Variants in CFAP20DC observed in about 807,000 individuals in gnomAD.
The protein encoded by CFAP20DC is CFAP20 domain containing.
A neutral mutation model predicts 101.7 loss-of-function variants in CFAP20DC; 84 were observed. The observed-to-expected ratio is 0.83, with a 90% CI of 0.69 to 0.99. The LOEUF is 0.99. Ranked by LOEUF, CFAP20DC falls within the 50% of genes least tolerant of loss-of-function variation. The pLI is 0.00. For missense variants in CFAP20DC, 1,007 were observed against 970.3 expected, an observed-to-expected ratio of 1.04 and a Z score of -0.50; for synonymous variants, 359 against 351.2, an observed-to-expected ratio of 1.02 and a Z score of -0.25.
At chr3:58,915,563 G>A (rs565872303) in intron 5 of CFAP20DC, among the ~76,000 whole-genome samples, 1 of 151,988 alleles carries the variant, frequency 6.6e-6, no homozygotes, top group Non-Finnish European at 1.5e-5. Context: ...CTCTGGGCTT[G>A]GCTCCAGGGG....
Position 58,864,592 on chromosome 3 carries a change from C to T in CFAP20DC, c.1259-700G>A, listed in dbSNP as rs2079520846. Among the ~76,000 whole-genome samples the T allele has an allele frequency of 6.6e-6, 1 of 152,166 alleles. No individual in the cohort carries two copies. Among genetic ancestry groups the T allele is most frequent in the Non-Finnish European group, 1.5e-5 (1 of 68,036 alleles). ...AGTTACTAATATCTCCTTTTAACTG[C>T]AGGAGGACAGAGTACTTAACCAGCT... On this transcript the variant is annotated intron_variant, in intron 11 of 16. Transcript: ENST00000482387. This position sits in a 1 kb window ranked among gnomAD's most constrained non-coding sequence, Gnocchi z 4.7.
intron 3 of CFAP20DC, among the ~76,000 whole-genome samples, chr3:59,043,604 C>A (rs1699602543): frequency 6.6e-6 from 1 of 151,976 alleles, no homozygotes; most frequent in Non-Finnish European, 1.5e-5. Flanking sequence ...TTCAGGGATG[C>A]TACTCCCCCG....
Position 58,861,773 on chromosome 3 carries a change from G to T in CFAP20DC, c.1593+1785C>A. ...GAGTGCCAGTGTTGGCAATGGGATG[G>T]TCTCACCACAGACTCTAGCCGTATG... is the stretch of plus-strand genomic sequence containing the variant. On this transcript the variant is annotated intron_variant, in intron 12 of 16. Transcript: ENST00000482387. This position sits in a 1 kb window ranked among gnomAD's most constrained non-coding sequence, Gnocchi z 4.0. 5.1e-6 allele frequency: 5 copies of T among 985,404 alleles called. No individual in the cohort carries two copies. The highest frequency in any genetic ancestry group is 6.0e-6 in the Non-Finnish European group (5 of 829,928). The allele number at this position is 985,404 out of a possible 1,614,324, so 61.0% of individuals were successfully genotyped here. A position where few individuals can be genotyped will look rare whatever the true frequency, so the allele number is the denominator to read the frequency against.
In CFAP20DC at chr3:58,717,656, G is replaced by GAAAAAAAA; in HGVS notation, c.198-36_198-29dup. The GAAAAAAAA allele has an allele frequency of 3.0e-6, 1 of 336,346 alleles. No homozygotes were observed. Among genetic ancestry groups the GAAAAAAAA allele is most frequent in the Non-Finnish European group, 5.8e-6 (1 of 172,566 alleles). 20.8% of individuals were successfully genotyped at this position (336,346 alleles called of 1,614,324 possible). A position where few individuals can be genotyped will look rare whatever the true frequency, so the allele number is the denominator to read the frequency against. On this transcript the variant is annotated intron_variant, in intron 3 of 3. Coordinates refer to the CFAP20DC transcript ENST00000486145. This position sits in a 1 kb window ranked among gnomAD's most constrained non-coding sequence, Gnocchi z 4.1. Reference sequence around the variant, plus strand: ...GCATTTCAGGTAGGAGAAGAGAGAAGAAAAAAAAAAAAGAAAAAAGGTACA... The same window carrying GAAAAAAAA: ...GCATTTCAGGTAGGAGAAGAGAGAAGAAAAAAAAAAAAAAAAAAAAGAAAAAAGGTACA...
At chr3:59,048,465 A>G (rs771344684) in intron 1 of CFAP20DC, among the ~76,000 whole-genome samples, 7 of 152,178 alleles carry the variant, frequency 4.6e-5, no homozygotes, top group Non-Finnish European at 7.3e-5. Flanking sequence ...AGTTGTTTTA[A>G]AAGACAAAAG....
rs552902253 is a variant in CFAP20DC at position 58,992,576 on chromosome 3, A to G, written c.278+46981T>C. The G allele has an allele frequency of 7.1e-6, 7 of 984,794 alleles. No homozygotes were observed. The East Asian group carries it at 6.8e-4, about 96-fold the overall frequency. 61.0% of individuals were successfully genotyped at this position (984,794 alleles called of 1,614,324 possible). A position where few individuals can be genotyped will look rare whatever the true frequency, so the allele number is the denominator to read the frequency against. The stretch of plus-strand genomic sequence containing the variant: ...TCATTTGAATTGTCAGAAGATCTTC[A>G]TATCTCTTGGGAAAAGAATGCTGGA... On this transcript the variant is annotated intron_variant, in intron 4 of 16. Transcript: ENST00000482387.
Position 58,814,382 on chromosome 3 carries a change from A to C in CFAP20DC, c.2176-7926T>G, listed in dbSNP as rs372798873. On this transcript the variant is annotated intron_variant, in intron 14 of 16. Transcript: ENST00000482387. ...CAAAATAATAAGAGCTATCTATGAC[A>C]AACCCACAGCCAGTATCATACTGAA... Among the ~76,000 whole-genome samples, 697 of 151,824 alleles carry C rather than the reference A, an allele frequency of 4.6e-3. 14 individuals carry two copies. The highest frequency in any genetic ancestry group is 0.034 in the Admixed American group (511 of 15,252).
In CFAP20DC at chr3:59,014,827, C is replaced by T. The variant is rs7643755; in HGVS notation, c.278+24730G>A. Among the ~76,000 whole-genome samples, 35,690 of 151,914 alleles carry T rather than the reference C, an allele frequency of 0.23. 4,792 individuals are homozygous for T. The highest frequency in any genetic ancestry group is 0.37 in the African/African-American group (15,188 of 41,378). ...GGCTATATGTAGTACTACTCCTTAG[C>T]AGTATGCTTGACTGGTTTGTGAGGC... is the stretch of plus-strand genomic sequence containing the variant. On this transcript the variant is annotated intron_variant, in intron 4 of 16. Transcript: ENST00000482387. The surrounding 1 kb of genome is among the most constrained non-coding windows in gnomAD (Gnocchi z 4.9).
intron 4 of CFAP20DC, among the ~76,000 whole-genome samples, chr3:58,947,221 C>A (rs928738988): frequency 6.6e-6 from 1 of 152,144 alleles, no homozygotes; most frequent in Non-Finnish European, 1.5e-5. Flanking sequence ...TACTAAAGGG[C>A]ATTCCAGAAA....
chr3:58,720,348 A>T (rs1190184427), intron 3 of CFAP20DC, among the ~76,000 whole-genome samples: 1 of 152,238 alleles, frequency 6.6e-6, no homozygotes, highest in Non-Finnish European at 1.5e-5. Flanking sequence ...GGCTATAAAC[A>T]TACCATAGAG....
intron 15 of CFAP20DC, among the ~76,000 whole-genome samples, chr3:58,791,554 C>T (rs1023779330): frequency 6.6e-6 from 1 of 152,020 alleles, no homozygotes; most frequent in Non-Finnish European, 1.5e-5. Context: ...TTTTAACATT[C>T]AAATATGAAA....
rs772509276 is a variant in CFAP20DC at position 58,913,904 on chromosome 3, T to A, written c.394-40A>T. ...TGCAAAGAAGAGTAAGGACCTTTCA[T>A]CAACACATAAATGAACAAACCATCT... is the stretch of plus-strand genomic sequence containing the variant. On this transcript the variant is annotated intron_variant, in intron 5 of 16. Coordinates refer to ENST00000482387, the MANE Select transcript of CFAP20DC (RefSeq NM_001394063.1). This position sits in a 1 kb window ranked among gnomAD's most constrained non-coding sequence, Gnocchi z 4.4. The A allele has an allele frequency of 6.2e-6, 10 of 1,604,808 alleles. No individual in the cohort carries two copies. In the South Asian group the frequency reaches 1.1e-4, roughly 18 times the overall value.
At chr3:58,875,736 G>A (rs534337592) in intron 7 of CFAP20DC, among the ~76,000 whole-genome samples, 2 of 152,200 alleles carry the variant, frequency 1.3e-5, no homozygotes, top group East Asian at 3.9e-4. Flanking sequence ...GTAGATAATG[G>A]ATAAATCTCA....
At position 58,898,745 on chromosome 3, in the gene CFAP20DC, T is replaced by C. The variant is rs530444042; in HGVS notation, c.551-14036A>G. Reference sequence around the variant, plus strand: ...CATTGCTGGAGAGCTGTTGTGGTCATGTGGAAGCAACTAGGCACTCTGGCT... The same window carrying C: ...CATTGCTGGAGAGCTGTTGTGGTCACGTGGAAGCAACTAGGCACTCTGGCT... On this transcript the variant is annotated intron_variant, in intron 6 of 16. Coordinates refer to ENST00000482387, the MANE Select transcript of CFAP20DC (RefSeq NM_001394063.1). Among the ~76,000 whole-genome samples the C allele has an allele frequency of 4.6e-5, 7 of 152,316 alleles. No homozygotes were observed. In the East Asian group the frequency reaches 9.7e-4, roughly 21 times the overall value.
chr3:58,896,401 T>A (rs1576198152), intron 6 of CFAP20DC, among the ~76,000 whole-genome samples: 1 of 152,202 alleles, frequency 6.6e-6, no homozygotes, highest in South Asian at 2.1e-4. Flanking sequence ...AGCTCTGATC[T>A]TGGTTATTTC....
At chr3:58,928,987 A>G (rs1165751565) in intron 5 of CFAP20DC, among the ~76,000 whole-genome samples, 1 of 152,168 alleles carries the variant, frequency 6.6e-6, no homozygotes, top group Non-Finnish European at 1.5e-5. Context: ...GATGAATTGA[A>G]AAGGATTAGG....
At chr3:58,753,962 C>A in intron 15 of CFAP20DC, 99 bp from the exon 16 acceptor site, 1 of 720,030 alleles carries the variant, frequency 1.4e-6, no homozygotes, top group Non-Finnish European at 2.3e-6. Context: ...CAAAAAGAAA[C>A]ACTTTTTTTC....
intron 4 of CFAP20DC, among the ~76,000 whole-genome samples, chr3:59,004,977 T>C (rs372430488): frequency 6.6e-6 from 1 of 152,186 alleles, no homozygotes; most frequent in South Asian, 2.1e-4. Context: ...AGCCCTGATT[T>C]TTTACCCCTT....
Position 58,753,812 on chromosome 3 carries a change from C to T in CFAP20DC, c.2289G>A (p.Pro763=), listed in dbSNP as rs146724956. Residue 763 remains proline (P), a synonymous_variant, in exon 16 of 17, where the codon CCG becomes CCA. Transcript: ENST00000482387. The part of the protein sequence containing the change: ...SPPIVPPSQQ[P]AEQRPDSCES... ...CACAGGAATCTGGACGCTGCTCAGCCGGCTGTTGACTGGGAGGAACGATTG... is the reference window on the plus strand; with the variant it reads ...CACAGGAATCTGGACGCTGCTCAGCTGGCTGTTGACTGGGAGGAACGATTG... The T allele has an allele frequency of 1.3e-4, 207 of 1,612,898 alleles. 1 individual carries two copies. The highest frequency in any genetic ancestry group is 3.1e-4 in the African/African-American group (23 of 74,984).
Sources: gnomAD v4.1 joint callset for allele counts (sites outside exome capture counted in the v4.1 genomes callset) on GRCh38, gnomAD v4.1.1 for gene constraint, Gnocchi (gnomAD v3.1) non-coding constraint, MANE v1.5 for transcripts, NCBI Gene and HGNC (gene_info 2026-07-23, HGNC 2026-07-21) for gene names.